Variants in SLC14A2 observed in about 807,000 individuals in gnomAD.
SLC14A2 encodes urea transporter 2.
In SLC14A2, 91 loss-of-function variants were observed where a neutral mutation model predicts 104.6. That is an observed-to-expected ratio of 0.87 (90% CI 0.73 to 1.04). The LOEUF (loss-of-function observed/expected upper bound fraction) is 1.04, where lower values mean the gene tolerates loss of function less well. SLC14A2 is among the 50% of genes least tolerant of loss of function. The pLI is 0.00. For synonymous variants in SLC14A2, 476 were observed against 466.4 expected (o/e 1.02, Z -0.27); for missense variants, 1,189 against 1,156.0 (o/e 1.03, Z -0.41).
intron 1 of SLC14A2, among the ~76,000 whole-genome samples, chr18:45,434,697 C>A (rs552082903): frequency 6.6e-6 from 1 of 152,098 alleles, no homozygotes; most frequent in South Asian, 2.1e-4. Flanking sequence ...AAAACCAGCA[C>A]GTGAAGATTT....
chr18:45,277,883 G>C (rs558291280), intron 1 of SLC14A2, among the ~76,000 whole-genome samples: 2 of 152,100 alleles, frequency 1.3e-5, no homozygotes, highest in Non-Finnish European at 2.9e-5. Flanking sequence ...CCTACCTTCT[G>C]AACACATTTA....
chr18:45,319,644 A>C (rs1453520881), intron 1 of SLC14A2, among the ~76,000 whole-genome samples: 1 of 152,200 alleles, frequency 6.6e-6, no homozygotes, highest in Non-Finnish European at 1.5e-5. Context: ...CTGAAGACCA[A>C]TTAGGTTATA....
At chr18:45,667,179 C>A (rs755628509) in intron 13 of SLC14A2, 85 bp downstream of exon 13, 176 of 1,068,206 alleles carry the variant, frequency 1.6e-4, no homozygotes, top group Non-Finnish European at 2.3e-4. Flanking sequence ...CATGGGGGTT[C>A]CCTATAGACT....
At chr18:45,511,906 T>C (rs554234672) in intron 2 of SLC14A2, among the ~76,000 whole-genome samples, 207 of 152,248 alleles carry the variant, frequency 1.4e-3, no homozygotes, top group Non-Finnish European at 1.9e-3. Flanking sequence ...GATAAAGCAC[T>C]ATGGCAAGAA....
chr18:45,250,960 A>T (rs1380597350), intron 1 of SLC14A2, among the ~76,000 whole-genome samples: 1 of 152,190 alleles, frequency 6.6e-6, no homozygotes, highest in African/African-American at 2.4e-5. Flanking sequence ...AGTTAGCAGA[A>T]GGCTGCAGAG....
chr18:45,565,426 G>A lies in SLC14A2; in HGVS notation c.-34-59205G>A, dbSNP rs115811421. ...CAGGCATGAGCCACCACACCCAGCC[G>A]CATGCATGTGCTTCTACGTGAGCAT... is the stretch of plus-strand genomic sequence containing the variant. On this transcript the variant is annotated intron_variant, in intron 2 of 20. Coordinates refer to the SLC14A2 transcript ENST00000586448. 2.9e-3 allele frequency among the ~76,000 whole-genome samples: 445 copies of A among 152,202 alleles called. 3 individuals are homozygous for A. The highest frequency in any genetic ancestry group is 1.0e-2 in the African/African-American group (414 of 41,538).
chr18:45,241,577 C>T (rs771049855), intron 1 of SLC14A2, among the ~76,000 whole-genome samples: 18 of 151,824 alleles, frequency 1.2e-4, no homozygotes, highest in Non-Finnish European at 2.5e-4. Flanking sequence ...CATCTCCAGG[C>T]AGTCCTCTGG....
At chr18:45,412,354 T>C (rs2086224387) in intron 1 of SLC14A2, among the ~76,000 whole-genome samples, 1 of 152,196 alleles carries the variant, frequency 6.6e-6, no homozygotes, top group African/African-American at 2.4e-5. Flanking sequence ...ACCTAATAAC[T>C]AGTAAATTAG....
chr18:45,414,713 A>G (rs1425757818), intron 1 of SLC14A2, among the ~76,000 whole-genome samples: 2 of 141,364 alleles, frequency 1.4e-5, no homozygotes, highest in Non-Finnish European at 3.0e-5. Flanking sequence ...GGGCCTTTTC[A>G]CATGCCAGGT....
At chr18:45,180,456 G>A in the SLC14A2 span, among the ~76,000 whole-genome samples, 1 of 152,142 alleles carries the variant, frequency 6.6e-6, no homozygotes, top group Non-Finnish European at 1.5e-5. Context: ...GGGAAAATAA[G>A]CACTGAAATC....
rs758164198 is a variant in SLC14A2 at position 45,644,150 on chromosome 18, G to T, written c.1341G>T (p.Lys447Asn). 2.6e-5 allele frequency: 42 copies of T among 1,614,066 alleles called. No individual in the cohort carries two copies. The East Asian group carries it at 8.5e-4, about 33-fold the overall frequency. The change falls in exon 10 of 20, where the codon AAG (lysine) becomes AAT (asparagine). Residue 447 changes from lysine (K) to asparagine (N), a missense_variant. Physicochemically the swap from Lys to Asn is moderately conservative, Grantham distance 94. Coordinates refer to ENST00000255226, the MANE Select transcript of SLC14A2 (RefSeq NM_007163.4). ...YLTVKSGEEE[K>N]APSGGGGEHP... ...CAGTGAAAAGCGGTGAAGAAGAGAA[G>T]GCCCCCAGCGGTGAATAGCCATGTT...
At chr18:45,556,707 A>G (rs111276615) in intron 2 of SLC14A2, among the ~76,000 whole-genome samples, 5 of 152,336 alleles carry the variant, frequency 3.3e-5, no homozygotes, top group African/African-American at 1.2e-4. Flanking sequence ...TATTTACACA[A>G]TACAATTTAT....
intron 2 of SLC14A2, among the ~76,000 whole-genome samples, chr18:45,495,767 G>C (rs2043086305): frequency 6.6e-6 from 1 of 152,184 alleles, no homozygotes; most frequent in Admixed American, 6.5e-5. Context: ...AGAGAAGCCA[G>C]TTAAATTTGG....
intron 1 of SLC14A2, among the ~76,000 whole-genome samples, chr18:45,335,342 G>A (rs2085328408): frequency 1.3e-5 from 2 of 152,164 alleles, no homozygotes; most frequent in African/African-American, 4.8e-5. Flanking sequence ...TACTTAGCAA[G>A]ATTACTTTGA....
chr18:45,645,908 G>A (rs1234389272), intron 10 of SLC14A2, among the ~76,000 whole-genome samples: 2 of 152,114 alleles, frequency 1.3e-5, no homozygotes, highest in Non-Finnish European at 2.9e-5. Flanking sequence ...GGTGGGCGGT[G>A]CACAGGCCCA....
At chr18:45,393,716 C>T (rs2075569592) in intron 1 of SLC14A2, among the ~76,000 whole-genome samples, 1 of 152,202 alleles carries the variant, frequency 6.6e-6, no homozygotes, top group South Asian at 2.1e-4. Context: ...CCCATTCCTT[C>T]TTGGATAGCT....
At chr18:45,298,560 CTT>C in intron 1 of SLC14A2, among the ~76,000 whole-genome samples, 1 of 152,216 alleles carries the variant, frequency 6.6e-6, no homozygotes, top group Non-Finnish European at 1.5e-5. Flanking sequence ...GCCCTAATCA[CTT>C]AATTTTCCTG....
chr18:45,537,152 T>G (rs1395006296), intron 2 of SLC14A2, among the ~76,000 whole-genome samples: 1 of 151,240 alleles, frequency 6.6e-6, no homozygotes, highest in African/African-American at 2.4e-5. Context: ...TTCTAGGTGC[T>G]GAAGATATAC....
chr18:45,387,036 T>C (rs1477938872), intron 1 of SLC14A2, among the ~76,000 whole-genome samples: 1 of 152,212 alleles, frequency 6.6e-6, no homozygotes, highest in African/African-American at 2.4e-5. Context: ...GAGTATTCTT[T>C]TCTGAGTTAC....
Sources: allele counts gnomAD v4.1 joint callset (sites outside exome capture counted in the v4.1 genomes callset), GRCh38; gene constraint gnomAD v4.1.1; transcripts MANE v1.5; gene names NCBI Gene and HGNC (gene_info 2026-07-23, HGNC 2026-07-21).